Variants in MROH2B observed in about 807,000 individuals in gnomAD.
MROH2B encodes maestro heat-like repeat-containing protein family member 2B.
Under a neutral mutation model 208.6 loss-of-function variants are expected in MROH2B, and 177 were observed. The ratio of observed to expected loss-of-function variants is 0.85; its 90% CI spans 0.75 to 0.96. The LOEUF (loss-of-function observed/expected upper bound fraction) is 0.96. Ranked by LOEUF, MROH2B falls within the 40% of genes least tolerant of loss-of-function variation. The pLI, the probability that MROH2B is intolerant of heterozygous loss-of-function variation, is 0.00. For synonymous variants in MROH2B, 728 were observed against 659.0 expected (o/e 1.10, Z -1.60); for missense variants, 2,002 against 1,878.7 (o/e 1.07, Z -1.21).
chr5:41,015,723 C>T (rs1741925647), intron 28 of MROH2B, among the ~76,000 whole-genome samples: 1 of 152,162 alleles, frequency 6.6e-6, no homozygotes, highest in African/African-American at 2.4e-5. Context: ...CTTGGTTTTG[C>T]AGATGAGAAA....
intron 21 of MROH2B, among the ~76,000 whole-genome samples, chr5:41,038,351 C>T (rs1742828663): frequency 1.3e-5 from 2 of 152,234 alleles, no homozygotes; most frequent in South Asian, 4.2e-4. Context: ...TGACCTGGGA[C>T]AATCACTGCA....
Position 41,012,668 on chromosome 5 carries a change from T to A in MROH2B, c.3050A>T (p.Glu1017Val), listed in dbSNP as rs1027034035. 8.1e-6 allele frequency: 13 copies of A among 1,613,786 alleles called. No individual in the cohort carries two copies. In the African/African-American group the frequency reaches 1.5e-4, roughly 18 times the overall value. Residue 1017 changes from glutamate (E) to valine (V), a missense_variant, in exon 30 of 42, where the codon GAG becomes GTG. Transcript: ENST00000399564. ...CTTTGTACAAGTGGGGTTGAGGCTC[T>A]CCAGACCGTCCAGCATTTCCTCTAG... is the stretch of plus-strand genomic sequence containing the variant. The part of the protein sequence containing the change: ...MFLEEMLDGL[E>V]SLNPTCTKAC...
At position 41,036,149 on chromosome 5, in the gene MROH2B, CA is replaced by C. The variant is rs1287227314; in HGVS notation, c.2215-2286del. On this transcript the variant is annotated intron_variant, in intron 21 of 41. Coordinates refer to ENST00000399564, the MANE Select transcript of MROH2B (RefSeq NM_173489.5). ...ATATATACACACACACACACACACA[CA>C]CACCCCACATTTATACATAGATATG... Among the ~76,000 whole-genome samples the C allele has an allele frequency of 4.1e-3, 616 of 152,074 alleles. 3 individuals carry two copies. The highest frequency in any genetic ancestry group is 0.012 in the African/African-American group (498 of 41,504).
chr5:41,044,961 G>A (rs1743071274), intron 18 of MROH2B, among the ~76,000 whole-genome samples: 1 of 152,114 alleles, frequency 6.6e-6, no homozygotes, highest in Non-Finnish European at 1.5e-5. Flanking sequence ...ACAACCCTCA[G>A]AGGTGGGTAT....
intron 6 of MROH2B, among the ~76,000 whole-genome samples, chr5:41,060,018 A>G (rs1196525837): frequency 1.3e-5 from 2 of 152,176 alleles, no homozygotes; most frequent in Admixed American, 1.3e-4. Context: ...TCTACATCAA[A>G]CCCATTTTGT....
intron 21 of MROH2B, among the ~76,000 whole-genome samples, chr5:41,035,741 G>A (rs1431979210): frequency 6.6e-6 from 1 of 152,024 alleles, no homozygotes; most frequent in East Asian, 1.9e-4. Flanking sequence ...AACCATCAAA[G>A]AAATGCAAAT....
In MROH2B at chr5:41,042,157, C is replaced by T; in HGVS notation, c.1888G>A (p.Asp630Asn). 1 of 1,595,986 alleles carries T rather than the reference C, an allele frequency of 6.3e-7. No individual in the cohort carries two copies. The highest frequency in any genetic ancestry group is 8.5e-7 in the Non-Finnish European group (1 of 1,170,512). The stretch of plus-strand genomic sequence containing the variant: ...TCCTTAATCTGTGAGTTTACAAAGT[C>T]TGAATCTTGGCAGCATGCTAAGGTG... Reference protein sequence around the residue: ...GTTLACCQDSDFVNSQIKEFL... With the variant: ...GTTLACCQDSNFVNSQIKEFL... The change falls in exon 19 of 42, where the codon GAC (aspartate) becomes AAC (asparagine). Residue 630 changes from aspartate (D) to asparagine (N), a missense_variant. Physicochemically the swap from Asp to Asn is conservative, Grantham distance 23. Transcript: ENST00000399564.
chr5:41,061,466 T>C (rs755251049), intron 6 of MROH2B, 104 bp downstream of exon 6: 203 of 1,006,390 alleles, frequency 2.0e-4, no homozygotes, highest in Non-Finnish European at 2.6e-4. Flanking sequence ...ATACAACCAA[T>C]GGCTTCCAAA....
intron 16 of MROH2B, 22 bp from the exon 17 acceptor site, chr5:41,047,786 A>G (rs766468624): frequency 2.6e-6 from 4 of 1,567,054 alleles, no homozygotes; most frequent in Non-Finnish European, 8.7e-7. Context: ...AATTGATGTA[A>G]TAATCGCAAA....
At chr5:41,017,514 C>T (rs927166116) in intron 28 of MROH2B, among the ~76,000 whole-genome samples, 2 of 152,174 alleles carry the variant, frequency 1.3e-5, no homozygotes, top group Non-Finnish European at 2.9e-5. Flanking sequence ...CTTTATAATG[C>T]TTCAGTGTTA....
intron 34 of MROH2B, among the ~76,000 whole-genome samples, chr5:41,006,454 C>A (rs1485570598): frequency 6.6e-6 from 1 of 152,146 alleles, no homozygotes; most frequent in Non-Finnish European, 1.5e-5. Flanking sequence ...AAAAGTAGAT[C>A]TACCGGTTGA....
rs773094970 is a variant in MROH2B at position 41,052,599 on chromosome 5, A to G, written c.1108-12T>C. The G allele has an allele frequency of 8.1e-6, 13 of 1,599,824 alleles. No individual in the cohort carries two copies. The East Asian group carries it at 2.9e-4, about 36-fold the overall frequency. On this transcript the variant is annotated splice_polypyrimidine_tract_variant and intron_variant, in intron 11 of 41. Transcript: ENST00000399564. Reference sequence around the variant, plus strand: ...ACAGAATTTCTTACCTAGGGTAAGAACAATGCAATAGCAACATTTTACTAT... The same window carrying G: ...ACAGAATTTCTTACCTAGGGTAAGAGCAATGCAATAGCAACATTTTACTAT...
At chr5:41,032,698 G>T in intron 24 of MROH2B, 44 bp downstream of exon 24, 1 of 1,507,868 alleles carries the variant, frequency 6.6e-7, no homozygotes, top group Non-Finnish European at 9.1e-7. Flanking sequence ...AGGAGGATAA[G>T]GGGGAAAATA....
rs1743191083 is a variant in MROH2B at position 41,048,458 on chromosome 5, G to T, written c.1550C>A (p.Ser517Tyr). The change falls in exon 16 of 42, where the codon TCT (serine) becomes TAT (tyrosine). Residue 517 changes from serine to tyrosine, a missense_variant. By Grantham distance (144) the Ser-to-Tyr change is moderately radical. Coordinates refer to ENST00000399564, the MANE Select transcript of MROH2B (RefSeq NM_173489.5). ...TAACTCCCCTAAACTGGCAGGCATA[G>T]ATATTACCTGAAGGATAGAAGAGAA... Reference protein sequence around the residue: ...QQLLARLLVISMPASLGELRG... With the variant: ...QQLLARLLVIYMPASLGELRG... The T allele has an allele frequency of 6.2e-7, 1 of 1,609,132 alleles. No homozygotes were observed. Among genetic ancestry groups the T allele is most frequent in the Admixed American group, 1.7e-5 (1 of 58,626 alleles).
At chr5:41,068,633 C>T (rs964695004) in intron 2 of MROH2B, among the ~76,000 whole-genome samples, 1 of 152,284 alleles carries the variant, frequency 6.6e-6, no homozygotes, top group South Asian at 2.1e-4. Flanking sequence ...CATAAAATAA[C>T]TAGGAAGTGC....
At position 41,009,369 on chromosome 5, in the gene MROH2B, G is replaced by T; in HGVS notation, c.3331C>A (p.Pro1111Thr). Residue 1111 changes from proline (P) to threonine (T), a missense_variant, in exon 32 of 42, where the codon CCA becomes ACA. Coordinates refer to ENST00000399564, the MANE Select transcript of MROH2B (RefSeq NM_173489.5). ...TGCAAGAGTTTCCCACTGGAGGCTG[G>T]CTTTTCAGCCAGCGCCTTCCACAAT... is the stretch of plus-strand genomic sequence containing the variant. Reference protein sequence around the residue: ...KTLWKALAEKPASSGKLLQAL... With the variant: ...KTLWKALAEKTASSGKLLQAL... 1 of 1,613,884 alleles carries T rather than the reference G, an allele frequency of 6.2e-7. No homozygotes were observed. Among genetic ancestry groups the T allele is most frequent in the Non-Finnish European group, 8.5e-7 (1 of 1,179,800 alleles).
chr5:41,005,425 CT>C (rs56951795), intron 35 of MROH2B, 105 bp downstream of exon 35: 2 of 216,750 alleles, frequency 9.2e-6, no homozygotes, highest in South Asian at 9.0e-5. Flanking sequence ...CCCCCCCCCC[CT>C]TGAAGTCTCT....
At chr5:41,053,443 C>T (rs1379931995) in intron 11 of MROH2B, among the ~76,000 whole-genome samples, 2 of 152,148 alleles carry the variant, frequency 1.3e-5, no homozygotes, top group South Asian at 4.1e-4. Context: ...TATGAACTTG[C>T]ATTATAGTAT....
rs150686655 is a variant in MROH2B, at chr5:41,054,267, A to G, written c.1107+500T>C. 6.8e-3 allele frequency among the ~76,000 whole-genome samples: 1,033 copies of G among 152,326 alleles called. 6 individuals carry two copies. The highest frequency in any genetic ancestry group is 0.013 in the Non-Finnish European group (851 of 68,026). On this transcript the variant is annotated intron_variant, in intron 11 of 41. Coordinates refer to ENST00000399564, the MANE Select transcript of MROH2B (RefSeq NM_173489.5). The stretch of plus-strand genomic sequence containing the variant: ...AGTGTAGGGACTACAGGCATGAGCC[A>G]CTGCACCTTAGAACACTTTAATCAA...
Sources: gnomAD v4.1 joint callset for allele counts (sites outside exome capture counted in the v4.1 genomes callset) on GRCh38, gnomAD v4.1.1 for gene constraint, MANE v1.5 for transcripts, NCBI Gene and HGNC (gene_info 2026-07-23, HGNC 2026-07-21) for gene names.